The following CNTNAP2 variants were observed in gnomAD, a reference collection of about 807,000 sequenced individuals.
CNTNAP2 encodes the protein contactin-associated protein-like 2.
CNTNAP2 carries 98 observed loss-of-function variants against 155.2 expected under a neutral mutation model. That is an observed-to-expected ratio of 0.63 (90% CI 0.54 to 0.75). The LOEUF (loss-of-function observed/expected upper bound fraction) is 0.75, where lower values mean the gene tolerates loss of function less well. CNTNAP2 is among the 30% of genes least tolerant of loss of function. The probability of loss-of-function intolerance (pLI) is 0.00; values close to 1 mark genes in which losing one functional copy is unlikely to be tolerated. For synonymous variants in CNTNAP2, 651 were observed against 631.2 expected (o/e 1.03, Z -0.47); for missense variants, 1,727 against 1,688.1 (o/e 1.02, Z -0.40).
rs138837664 is a variant in CNTNAP2, at chr7:147,776,234, C to T, written c.2099-127331C>T. The stretch of plus-strand genomic sequence containing the variant: ...CAAAGAACTGGATTATTTATTATAA[C>T]GAATATGTTACAAGCAAGTGCAATG... On this transcript the variant is annotated intron_variant, in intron 13 of 23. Transcript: ENST00000361727. Among the ~76,000 whole-genome samples the T allele has an allele frequency of 8.0e-3, 1,171 of 146,130 alleles. 10 individuals are homozygous for T. The highest frequency in any genetic ancestry group is 0.028 in the African/African-American group (1,124 of 39,678).
At chr7:147,049,327 T>C (rs1278207659) in intron 4 of CNTNAP2, among the ~76,000 whole-genome samples, 15 of 152,206 alleles carry the variant, frequency 9.9e-5, no homozygotes, top group Non-Finnish European at 7.3e-5. Flanking sequence ...ATGTTTACAT[T>C]TTAAAATATA....
At chr7:147,489,265 C>G (rs570953351) in intron 11 of CNTNAP2, among the ~76,000 whole-genome samples, 4 of 152,110 alleles carry the variant, frequency 2.6e-5, no homozygotes, top group Non-Finnish European at 5.9e-5. Flanking sequence ...TGAACTGCTC[C>G]CCTGAGGAGC....
chr7:147,603,236 G>A (rs1163440907), intron 12 of CNTNAP2, among the ~76,000 whole-genome samples: 2 of 152,054 alleles, frequency 1.3e-5, no homozygotes, highest in Non-Finnish European at 2.9e-5. Context: ...CTGATGGCCA[G>A]TGATGATGAG....
At chr7:148,088,171 CT>C (rs986453942) in intron 15 of CNTNAP2, among the ~76,000 whole-genome samples, 3 of 151,938 alleles carry the variant, frequency 2.0e-5, no homozygotes, top group African/African-American at 7.2e-5. Flanking sequence ...TTGCATTTTG[CT>C]TTCCCACCTC....
chr7:146,310,944 A>G (rs1800810746), intron 1 of CNTNAP2, among the ~76,000 whole-genome samples: 2 of 152,184 alleles, frequency 1.3e-5, no homozygotes, highest in Admixed American at 1.3e-4. Context: ...TCTATTGACT[A>G]TTACAATATA....
chr7:147,153,980 A>G lies in CNTNAP2; in HGVS notation c.1348+21471A>G, dbSNP rs554351126. Among the ~76,000 whole-genome samples the G allele has an allele frequency of 9.0e-4, 137 of 152,240 alleles. 1 individual carries two copies. Among genetic ancestry groups the G allele is most frequent in the Non-Finnish European group, 1.6e-3 (110 of 68,014 alleles). On this transcript the variant is annotated intron_variant, in intron 8 of 23. Coordinates refer to ENST00000361727, the MANE Select transcript of CNTNAP2 (RefSeq NM_014141.6). ...TCCTGATGGACTGGATATACTGTCTAGGAGCTGTCAAGGATTGCTCTTTCA... is the reference window on the plus strand; with the variant it reads ...TCCTGATGGACTGGATATACTGTCTGGGAGCTGTCAAGGATTGCTCTTTCA...
At chr7:147,414,994 C>T (rs1421137397) in intron 10 of CNTNAP2, among the ~76,000 whole-genome samples, 1 of 147,824 alleles carries the variant, frequency 6.8e-6, no homozygotes, top group Non-Finnish European at 1.5e-5. Context: ...GATTCTCTAT[C>T]TGAGAACTGA....
intron 1 of CNTNAP2, among the ~76,000 whole-genome samples, chr7:146,584,922 ATAG>A (rs1798664487): frequency 6.6e-6 from 1 of 152,168 alleles, no homozygotes. Flanking sequence ...ATTTTGAATA[ATAG>A]TAGGGCACTG....
intron 1 of CNTNAP2, among the ~76,000 whole-genome samples, chr7:146,336,725 T>C (rs1354909508): frequency 1.3e-5 from 2 of 152,124 alleles, no homozygotes; most frequent in East Asian, 3.9e-4. Context: ...TTGTGGTACA[T>C]CTATATCATG....
intron 1 of CNTNAP2, among the ~76,000 whole-genome samples, chr7:146,334,430 C>CAAAAAAAA (rs1179295401): frequency 1.1e-5 from 1 of 94,028 alleles, no homozygotes; most frequent in African/African-American, 4.1e-5. Context: ...GACTCCGTCT[C>CAAAAAAAA]AAAAAAAAAA....
At chr7:146,633,511 A>G (rs1228769715) in intron 1 of CNTNAP2, among the ~76,000 whole-genome samples, 2 of 152,128 alleles carry the variant, frequency 1.3e-5, no homozygotes, top group South Asian at 4.1e-4. Context: ...GCTCCATAAC[A>G]GGCCATGACA....
At chr7:147,749,467 T>C (rs1797098395) in intron 13 of CNTNAP2, among the ~76,000 whole-genome samples, 1 of 152,190 alleles carries the variant, frequency 6.6e-6, no homozygotes, top group African/African-American at 2.4e-5. Context: ...ACTAGTTAAA[T>C]TACTGAGTCA....
At chr7:146,246,587 C>T (rs141136964) in intron 1 of CNTNAP2, among the ~76,000 whole-genome samples, 5,343 of 150,926 alleles carry the variant, frequency 0.035, 371 homozygotes, top group African/African-American at 0.13. Flanking sequence ...GAGAGTTACC[C>T]GAAGCTCGGC....
At chr7:147,541,885 C>T (rs890913205) in intron 11 of CNTNAP2, among the ~76,000 whole-genome samples, 1 of 152,110 alleles carries the variant, frequency 6.6e-6, no homozygotes, top group Admixed American at 6.6e-5. Context: ...CATCGAGCAA[C>T]TTTTTGGGTA....
At chr7:147,592,654 G>A (rs1394833609) in intron 12 of CNTNAP2, among the ~76,000 whole-genome samples, 2 of 151,880 alleles carry the variant, frequency 1.3e-5, no homozygotes, top group African/African-American at 4.8e-5. Flanking sequence ...TCACTGTTTA[G>A]AAAATATAAA....
intron 1 of CNTNAP2, among the ~76,000 whole-genome samples, chr7:146,649,062 C>A: frequency 6.6e-6 from 1 of 151,944 alleles, no homozygotes; most frequent in Non-Finnish European, 1.5e-5. Context: ...AAATGAAGAC[C>A]AAAGTGGATT....
At chr7:146,483,282 A>AAATATATAT (rs1178407767) in intron 1 of CNTNAP2, among the ~76,000 whole-genome samples, 5 of 39,872 alleles carry the variant, frequency 1.3e-4, no homozygotes, top group Non-Finnish European at 2.5e-4. Context: ...TCTAAAAAAA[A>AAATATATAT]ATATATATAT....
chr7:147,300,045 T>C (rs1488766564), intron 8 of CNTNAP2, 96 bp from the exon 9 acceptor site: 4 of 1,345,930 alleles, frequency 3.0e-6, no homozygotes, highest in East Asian at 2.3e-5. Context: ...AAGAGAAAAA[T>C]ACTTTTATTT....
At chr7:146,976,799 C>G (rs1216582382) in intron 3 of CNTNAP2, among the ~76,000 whole-genome samples, 1 of 152,118 alleles carries the variant, frequency 6.6e-6, no homozygotes, top group Non-Finnish European at 1.5e-5. Context: ...GGTAGCGAAA[C>G]CCGGCAAAGC....
Sources: allele counts gnomAD v4.1 joint callset (sites outside exome capture counted in the v4.1 genomes callset), GRCh38; gene constraint gnomAD v4.1.1; transcripts MANE v1.5; gene names NCBI Gene and HGNC (gene_info 2026-07-23, HGNC 2026-07-21).